SECTM1: variants seen among roughly 807,000 people sequenced by gnomAD.
SECTM1 encodes the protein secreted and transmembrane 1.
A neutral mutation model predicts 18.1 loss-of-function variants in SECTM1; 10 were observed. That is an observed-to-expected ratio of 0.55 (90% CI 0.34 to 0.94). SECTM1 has a LOEUF of 0.94. Among genes scored for constraint, SECTM1 ranks in the 40% least tolerant of loss-of-function variants. The probability of loss-of-function intolerance (pLI) is 0.02; values close to 1 mark genes in which losing one functional copy is unlikely to be tolerated. For missense variants in SECTM1, 297 were observed against 322.6 expected, an observed-to-expected ratio of 0.92 and a Z score of 0.61; for synonymous variants, 137 against 139.2, an observed-to-expected ratio of 0.98 and a Z score of 0.11.
rs544114647 is a variant in SECTM1, at chr17:82,330,065, T to C, written c.-52-2773A>G. Reference sequence around the variant, plus strand: ...GAGACCCAGGCCACCTGCAGACCCCTGCATGGAGGTGAGGTTCACACAAGG... The same window carrying C: ...GAGACCCAGGCCACCTGCAGACCCCCGCATGGAGGTGAGGTTCACACAAGG... On this transcript the variant is annotated intron_variant, in intron 1 of 4. Transcript: ENST00000269389. This position sits in a 1 kb window ranked among gnomAD's most constrained non-coding sequence, Gnocchi z 6.1. Among the ~76,000 whole-genome samples, 9 of 152,136 alleles carry C rather than the reference T, an allele frequency of 5.9e-5. No individual in the cohort carries two copies. The highest frequency in any genetic ancestry group is 1.3e-4 in the Admixed American group (2 of 15,280).
At position 82,324,890 on chromosome 17, in the gene SECTM1, C is replaced by T; in HGVS notation, c.95G>A (p.Gly32Asp). 1 of 1,607,404 alleles carries T rather than the reference C, an allele frequency of 6.2e-7. No homozygotes were observed. The highest frequency in any genetic ancestry group is 1.3e-5 in the African/African-American group (1 of 74,908). Residue 32 changes from glycine (G) to aspartate (D), a missense_variant and splice_region_variant, in exon 3 of 5, where the codon GGC becomes GAC. Coordinates refer to ENST00000269389, the MANE Select transcript of SECTM1 (RefSeq NM_003004.3). ...CTCTGTGCAGATGGGGCTGTCCCAG[C>T]CTGTAGGGCCAGACAGAGGCACACA... ...LAASLSAQNEGWDSPICTEGV... is the reference protein window; with the variant it reads ...LAASLSAQNEDWDSPICTEGV...
rs114014882 is a variant in SECTM1, at chr17:82,326,967, T to C, written c.94+180A>G. On this transcript the variant is annotated intron_variant, in intron 2 of 4. Coordinates refer to ENST00000269389, the MANE Select transcript of SECTM1 (RefSeq NM_003004.3). The surrounding 1 kb of genome is among the most constrained non-coding windows in gnomAD (Gnocchi z 4.3). Reference sequence around the variant, plus strand: ...ACCCTCCACCCACGGCGGGACACGGTCCACTCACCGCCACCTGAGGCAGCC... The same window carrying C: ...ACCCTCCACCCACGGCGGGACACGGCCCACTCACCGCCACCTGAGGCAGCC... Among the ~76,000 whole-genome samples the C allele has an allele frequency of 0.027, 3,784 of 141,750 alleles. 141 individuals are homozygous for C. Among genetic ancestry groups the C allele is most frequent in the African/African-American group, 0.049 (1,788 of 36,500 alleles). The allele number at this position is 141,750 out of a possible 152,430, so 93.0% of individuals were successfully genotyped here. A position where few individuals can be genotyped will look rare whatever the true frequency, so the allele number is the denominator to read the frequency against.
At chr17:82,324,515 A>AC in intron 3 of SECTM1, 67 bp downstream of exon 3, 9 of 99,894 alleles carry the variant, frequency 9.0e-5, no homozygotes, top group South Asian at 2.5e-4. Context: ...CCCCCTGCCC[A>AC]GGCCCCCTCC....
rs1057422843 is a variant in SECTM1, at chr17:82,328,802, G to A, written c.-52-1510C>T. On this transcript the variant is annotated intron_variant, in intron 1 of 4. Transcript: ENST00000269389. The surrounding 1 kb of genome is among the most constrained non-coding windows in gnomAD (Gnocchi z 5.8). ...TCGAAGGCGGCTGGGGCAAGGGTTC[G>A]TGGCCAGGCTGCCCTGCCTCTCGGG... Among the ~76,000 whole-genome samples, 2 of 152,112 alleles carry A rather than the reference G, an allele frequency of 1.3e-5. No individual in the cohort carries two copies. The highest frequency in any genetic ancestry group is 2.4e-5 in the African/African-American group (1 of 41,438).
intron 3 of SECTM1, chr17:82,323,241 C>A (rs747724653): frequency 7.3e-6 from 4 of 550,894 alleles, no homozygotes; most frequent in Non-Finnish European, 1.3e-5. Context: ...GTCGGGGCAG[C>A]GAGGGAAACA....
intron 1 of SECTM1, among the ~76,000 whole-genome samples, chr17:82,327,816 G>A (rs191724791): frequency 1.1e-4 from 17 of 152,142 alleles, no homozygotes; most frequent in Non-Finnish European, 1.8e-4. Context: ...CTGTCTCCTC[G>A]TGGGTCCTGT....
At chr17:82,327,822 C>A (rs955269351) in intron 1 of SECTM1, among the ~76,000 whole-genome samples, 3 of 152,122 alleles carry the variant, frequency 2.0e-5, no homozygotes, top group African/African-American at 7.2e-5. Flanking sequence ...CCTCGTGGGT[C>A]CTGTCCAGAC....
rs2052153534 is a variant in SECTM1, at chr17:82,327,154, C to G, written c.87G>C (p.Gln29His). ...CGGGGCCCCGAGACCTACCTTCATT[C>G]TGAGCACTCAAGGAGGCAGCCAAAA... Reference protein sequence around the residue: ...LLFLAASLSAQNEGWDSPICT... With the variant: ...LLFLAASLSAHNEGWDSPICT... Residue 29 changes from glutamine to histidine, a missense_variant, in exon 2 of 5, where the codon CAG becomes CAC. By Grantham distance (24) the Gln-to-His change is conservative (BLOSUM62 0). Coordinates refer to ENST00000269389, the MANE Select transcript of SECTM1 (RefSeq NM_003004.3). The G allele has an allele frequency of 1.2e-6, 2 of 1,609,074 alleles. No individual in the cohort carries two copies. Among genetic ancestry groups the G allele is most frequent in the South Asian group, 1.1e-5 (1 of 90,320 alleles).
chr17:82,324,939 C>T lies in SECTM1; in HGVS notation c.95-49G>A, dbSNP rs1210328079. The T allele has an allele frequency of 3.2e-6, 5 of 1,548,110 alleles. No individual in the cohort carries two copies. In the South Asian group the frequency reaches 4.7e-5, roughly 15 times the overall value. ...CACGGATCAGGGCTGGACCTCAGGG[C>T]ATTGGCTGGCTGCTGTGCCCAGGGC... On this transcript the variant is annotated intron_variant, in intron 2 of 4. Coordinates refer to ENST00000269389, the MANE Select transcript of SECTM1 (RefSeq NM_003004.3).
Position 82,322,938 on chromosome 17 carries a change from G to A in SECTM1, c.477C>T (p.Leu159=). ...VPAVVTAVFI[L]LVALVMFAWY... ...AGGCGAACATGACCAGAGCGACCAA[G>A]AGGATGAAGACAGCAGTGACCACCG... Residue 159 remains leucine, a synonymous_variant, in exon 4 of 5, where the codon CTC becomes CTT. Transcript: ENST00000269389. 2 of 1,613,962 alleles carry A rather than the reference G, an allele frequency of 1.2e-6. No individual in the cohort carries two copies. Among genetic ancestry groups the A allele is most frequent in the South Asian group, 1.1e-5 (1 of 91,090 alleles).
rs11575031 is a variant in SECTM1, at chr17:82,321,773, C to T, written c.*388G>A. 0.051 allele frequency: 11,665 copies of T among 226,606 alleles called. 421 individuals carry two copies. The highest frequency in any genetic ancestry group is 0.1 in the African/African-American group (4,461 of 42,700). The allele number at this position is 226,606 out of a possible 1,614,324, so 14.0% of individuals were successfully genotyped here. A position where few individuals can be genotyped will look rare whatever the true frequency, so the allele number is the denominator to read the frequency against. On this transcript the variant is annotated 3_prime_UTR_variant, in exon 5 of 5. Coordinates refer to ENST00000269389, the MANE Select transcript of SECTM1 (RefSeq NM_003004.3). ...GCCCTGAACTGGAGTGTGTCTGAGG[C>T]TCCGGCAGGGGCCCCCTCACTTGGG...
rs1184130263 is a variant in SECTM1 at position 82,326,919 on chromosome 17, C to T, written c.94+228G>A. 6.6e-6 allele frequency among the ~76,000 whole-genome samples: 1 copy of T among 152,102 alleles called. No homozygotes were observed. Among genetic ancestry groups the T allele is most frequent in the Non-Finnish European group, 1.5e-5 (1 of 68,008 alleles). ...GGGCACCACCGCCCTCCACCCACGGCGGGACACGGCCCACTCACCACCACC... is the reference window on the plus strand; with the variant it reads ...GGGCACCACCGCCCTCCACCCACGGTGGGACACGGCCCACTCACCACCACC... On this transcript the variant is annotated intron_variant, in intron 2 of 4. Coordinates refer to ENST00000269389, the MANE Select transcript of SECTM1 (RefSeq NM_003004.3). The surrounding 1 kb of genome is among the most constrained non-coding windows in gnomAD (Gnocchi z 4.3).
intron 3 of SECTM1, 162 bp from the exon 4 acceptor site, chr17:82,323,173 A>G: frequency 1.3e-6 from 1 of 767,376 alleles, no homozygotes; most frequent in South Asian, 1.9e-5. Flanking sequence ...GGTGGGAGGG[A>G]GCCAGGAGGA....
At chr17:82,333,196 A>G (rs1031484926) in intron 1 of SECTM1, among the ~76,000 whole-genome samples, 22 of 152,350 alleles carry the variant, frequency 1.4e-4, no homozygotes, top group African/African-American at 5.1e-4. Flanking sequence ...GTGTGCACGC[A>G]TATGAGCGAG....
At chr17:82,324,506 CCCCTGCCCAGG>C in intron 3 of SECTM1, 65 bp downstream of exon 3, 14 of 943,780 alleles carry the variant, frequency 1.5e-5, no homozygotes, top group South Asian at 6.9e-5. Flanking sequence ...CTCAGCCCTC[CCCCTGCCCAGG>C]CCCCCTCCCC....
chr17:82,322,903 C>T lies in SECTM1; in HGVS notation c.512G>A (p.Cys171Tyr). 6.2e-7 allele frequency: 1 copy of T among 1,613,842 alleles called. No individual in the cohort carries two copies. Among genetic ancestry groups the T allele is most frequent in the Non-Finnish European group, 8.5e-7 (1 of 1,179,966 alleles). The change falls in exon 4 of 5, where the codon TGC becomes TAC. Residue 171 changes from cysteine to tyrosine, a missense_variant. Transcript: ENST00000269389. ...CTCCCGGCGTTGCTGGGAACAGCGG[C>T]ACCTGTACCAGGCGAACATGACCAG... ...VALVMFAWYR[C>Y]RCSQQRREKK...
chr17:82,323,746 G>A (rs1307308881), intron 3 of SECTM1, among the ~76,000 whole-genome samples: 2 of 151,958 alleles, frequency 1.3e-5, no homozygotes, highest in South Asian at 2.1e-4. Context: ...GCCCTGAGTC[G>A]GGGGAGAAGA....
intron 1 of SECTM1, among the ~76,000 whole-genome samples, chr17:82,327,717 A>C (rs567086612): frequency 6.6e-6 from 1 of 152,030 alleles, no homozygotes; most frequent in Admixed American, 6.5e-5. Context: ...TAAGCATGAA[A>C]CCAATTTTCC....
chr17:82,330,444 G>A lies in SECTM1; in HGVS notation c.-52-3152C>T, dbSNP rs1280609983. ...CGACAGCGCTGCGTCCACCCCACCTGCCCACCCAGGTGCTGGCTCTGCCAC... is the reference window on the plus strand; with the variant it reads ...CGACAGCGCTGCGTCCACCCCACCTACCCACCCAGGTGCTGGCTCTGCCAC... On this transcript the variant is annotated intron_variant, in intron 1 of 4. Coordinates refer to ENST00000269389, the MANE Select transcript of SECTM1 (RefSeq NM_003004.3). The surrounding 1 kb of genome is among the most constrained non-coding windows in gnomAD (Gnocchi z 6.1). Among the ~76,000 whole-genome samples the A allele has an allele frequency of 6.6e-6, 1 of 152,142 alleles. No individual in the cohort carries two copies. Among genetic ancestry groups the A allele is most frequent in the Non-Finnish European group, 1.5e-5 (1 of 68,004 alleles).
Sources: gnomAD v4.1 joint callset for allele counts (sites outside exome capture counted in the v4.1 genomes callset) on GRCh38, gnomAD v4.1.1 for gene constraint, Gnocchi (gnomAD v3.1) non-coding constraint, MANE v1.5 for transcripts, NCBI Gene and HGNC (gene_info 2026-07-23, HGNC 2026-07-21) for gene names.